The following NUP35 variants were observed in gnomAD, a reference collection of about 807,000 sequenced individuals.
NUP35 encodes nucleoporin NUP35.
In NUP35, 25 loss-of-function variants were observed where a neutral mutation model predicts 41.5. The ratio of observed to expected loss-of-function variants is 0.60; its 90% CI spans 0.44 to 0.84. The LOEUF (loss-of-function observed/expected upper bound fraction) is 0.84. NUP35 is among the 40% of genes least tolerant of loss of function. The pLI is 0.00. For missense variants in NUP35, 396 were observed against 396.6 expected (o/e 1.00, Z 0.01); for synonymous variants, 149 against 130.7 (o/e 1.14, Z -0.96).
intron 4 of NUP35, among the ~76,000 whole-genome samples, chr2:183,139,660 G>A (rs1222332143): frequency 6.6e-6 from 1 of 152,174 alleles, no homozygotes; most frequent in Non-Finnish European, 1.5e-5. Flanking sequence ...AAGAGGAAGA[G>A]AAACATATAG....
chr2:183,126,642 G>GTT (rs71008267), intron 1 of NUP35, among the ~76,000 whole-genome samples: 4,657 of 145,824 alleles, frequency 0.032, 92 homozygotes, highest in Non-Finnish European at 0.043. Flanking sequence ...TATTGAATTT[G>GTT]TTTTTTTTTT....
chr2:183,147,847 C>T (rs1425488144), intron 4 of NUP35, among the ~76,000 whole-genome samples: 1 of 151,828 alleles, frequency 6.6e-6, no homozygotes, highest in Admixed American at 6.6e-5. Flanking sequence ...TTTCTTTCAT[C>T]AGTGCTTTGT....
chr2:183,125,750 C>T (rs184810376), intron 1 of NUP35, among the ~76,000 whole-genome samples: 7 of 152,280 alleles, frequency 4.6e-5, no homozygotes, highest in Admixed American at 2.6e-4. Flanking sequence ...TGCCAGAAAT[C>T]TGACATTAGC....
intron 4 of NUP35, among the ~76,000 whole-genome samples, chr2:183,139,395 A>G (rs992582372): frequency 6.6e-6 from 1 of 151,782 alleles, no homozygotes; most frequent in Non-Finnish European, 1.5e-5. Context: ...ATGTTTGTTG[A>G]CTGAATATAT....
chr2:183,135,747 C>G (rs778255507), intron 4 of NUP35, among the ~76,000 whole-genome samples: 4 of 152,082 alleles, frequency 2.6e-5, no homozygotes, highest in Non-Finnish European at 5.9e-5. Flanking sequence ...GCCTGTAGTT[C>G]CAGCTACTCG....
chr2:183,125,487 G>A (rs1684428413), intron 1 of NUP35, among the ~76,000 whole-genome samples: 2 of 152,160 alleles, frequency 1.3e-5, no homozygotes, highest in African/African-American at 2.4e-5. Flanking sequence ...TGTAAAATAA[G>A]TTCTTTTTGA....
At chr2:183,150,281 A>C (rs747777847) in intron 4 of NUP35, among the ~76,000 whole-genome samples, 4 of 151,920 alleles carry the variant, frequency 2.6e-5, no homozygotes, top group Non-Finnish European at 5.9e-5. Context: ...TTGGTTTTCT[A>C]CCTCGCTTAG....
intron 3 of NUP35, among the ~76,000 whole-genome samples, chr2:183,133,233 T>A (rs959922713): frequency 6.6e-5 from 10 of 152,132 alleles, no homozygotes; most frequent in South Asian, 2.1e-4. Context: ...CTGGTCATTT[T>A]AAAAATTACC....
intron 4 of NUP35, among the ~76,000 whole-genome samples, chr2:183,148,964 T>C (rs1328846539): frequency 5.9e-5 from 9 of 152,258 alleles, no homozygotes; most frequent in South Asian, 4.1e-4. Flanking sequence ...CAGTAGCTTT[T>C]CCCCCCACCT....
intron 4 of NUP35, among the ~76,000 whole-genome samples, chr2:183,144,816 G>A (rs1341351127): frequency 6.6e-6 from 1 of 152,190 alleles, no homozygotes; most frequent in Non-Finnish European, 1.5e-5. Flanking sequence ...CTAAAGTTAT[G>A]TAAATAGTTT....
In NUP35 at chr2:183,133,574, T is replaced by G. The variant is rs1215761294; in HGVS notation, c.348T>G (p.Ile116Met). The change falls in exon 4 of 9, where the codon ATT (isoleucine) becomes ATG (methionine). Residue 116 changes from isoleucine (I) to methionine (M), a missense_variant. By Grantham distance (10) the Ile-to-Met change is conservative. Coordinates refer to ENST00000295119, the MANE Select transcript of NUP35 (RefSeq NM_138285.5). Reference sequence around the variant, plus strand: ...TTCTTCTGTTTGTGTAGCCAAACATTTCAGTAATGCAGAGTCCTCTTGTTG... The same window carrying G: ...TTCTTCTGTTTGTGTAGCCAAACATGTCAGTAATGCAGAGTCCTCTTGTTG... ...TPLTSRRQPN[I>M]SVMQSPLVGV... 3 of 1,604,868 alleles carry G rather than the reference T, an allele frequency of 1.9e-6. No individual in the cohort carries two copies. Among genetic ancestry groups the G allele is most frequent in the Non-Finnish European group, 2.5e-6 (3 of 1,176,926 alleles).
chr2:183,126,809 A>T (rs894273332), intron 1 of NUP35, among the ~76,000 whole-genome samples: 1 of 152,204 alleles, frequency 6.6e-6, no homozygotes, highest in Non-Finnish European at 1.5e-5. Context: ...CAAATAACAT[A>T]GCAAACATTT....
At chr2:183,161,008 A>C (rs747541129) in intron 8 of NUP35, 46 bp from the exon 9 acceptor site, 3 of 1,433,816 alleles carry the variant, frequency 2.1e-6, no homozygotes, top group Non-Finnish European at 2.9e-6. Context: ...TATGACACTG[A>C]AGTAACAATA....
chr2:183,161,194 C>T lies in NUP35; in HGVS notation c.*63C>T, dbSNP rs1685866506. ...GTTAGCAGAGTGCTGCTGGTTCCTT[C>T]GGTTAGTTATATAACTGTTCCTGCA... On this transcript the variant is annotated 3_prime_UTR_variant, in exon 9 of 9. Transcript: ENST00000295119. 19 of 1,210,420 alleles carry T rather than the reference C, an allele frequency of 1.6e-5. No individual in the cohort carries two copies. Among genetic ancestry groups the T allele is most frequent in the Middle Eastern group, 2.6e-4 (1 of 3,870 alleles). The allele number at this position is 1,210,420 out of a possible 1,614,324, so 75.0% of individuals were successfully genotyped here. A position where few individuals can be genotyped will look rare whatever the true frequency, so the allele number is the denominator to read the frequency against.
At chr2:183,143,182 C>G (rs1234711415) in intron 4 of NUP35, among the ~76,000 whole-genome samples, 2 of 149,342 alleles carry the variant, frequency 1.3e-5, no homozygotes, top group African/African-American at 4.9e-5. Flanking sequence ...AAAAGAAATA[C>G]AGCATTCTGT....
intron 5 of NUP35, among the ~76,000 whole-genome samples, chr2:183,154,936 CTTACATAGTGA>C (rs1685599991): frequency 6.6e-6 from 1 of 152,102 alleles, no homozygotes; most frequent in African/African-American, 2.4e-5. Flanking sequence ...GCAAAAGGTA[CTTACATAGTGA>C]CATCAAGAGA....
At chr2:183,119,148 G>C (rs1233074975) in intron 1 of NUP35, among the ~76,000 whole-genome samples, 1 of 152,146 alleles carries the variant, frequency 6.6e-6, no homozygotes, top group African/African-American at 2.4e-5. Flanking sequence ...TATCTACTGG[G>C]AAACTGCCTT....
upstream of NUP35, among the ~76,000 whole-genome samples, chr2:183,120,505 C>G (rs1700052811): frequency 1.3e-5 from 2 of 148,466 alleles, no homozygotes; most frequent in Non-Finnish European, 3.0e-5. Flanking sequence ...GTGGGAGAAA[C>G]TGAAGGCAGG....
At chr2:183,140,874 C>CAAT (rs1165308980) in intron 4 of NUP35, among the ~76,000 whole-genome samples, 1 of 150,042 alleles carries the variant, frequency 6.7e-6, no homozygotes, top group Non-Finnish European at 1.5e-5. Flanking sequence ...CAACAAAATG[C>CAAT]AATGATCTTT....
Sources: gnomAD v4.1 joint callset for allele counts (sites outside exome capture counted in the v4.1 genomes callset) on GRCh38, gnomAD v4.1.1 for gene constraint, MANE v1.5 for transcripts, NCBI Gene and HGNC (gene_info 2026-07-23, HGNC 2026-07-21) for gene names.